LRMDA: variants seen among roughly 807,000 people sequenced by gnomAD.
LRMDA encodes leucine rich melanocyte differentiation associated, also known as leucine-rich melanocyte differentiation-associated protein.
Under a neutral mutation model 29.8 loss-of-function variants are expected in LRMDA, and 18 were observed. The observed-to-expected ratio is 0.60, with a 90% CI of 0.42 to 0.90. The LOEUF (loss-of-function observed/expected upper bound fraction) is 0.90, where lower values mean the gene tolerates loss of function less well. Ranked by LOEUF, LRMDA falls within the 40% of genes least tolerant of loss-of-function variation. The probability of loss-of-function intolerance (pLI) is 0.00; values close to 1 mark genes in which losing one functional copy is unlikely to be tolerated. For synonymous variants in LRMDA, 125 were observed against 109.4 expected (o/e 1.14, Z -0.89); for missense variants, 273 against 273.9 (o/e 1.00, Z 0.02).
intron 2 of LRMDA, among the ~76,000 whole-genome samples, chr10:75,712,840 A>T (rs535952900): frequency 6.7e-6 from 1 of 149,688 alleles, no homozygotes; most frequent in East Asian, 2.0e-4. Flanking sequence ...ACACTCATTT[A>T]ATTCAAACTG....
At chr10:75,570,532 A>C (rs543650990) in intron 2 of LRMDA, among the ~76,000 whole-genome samples, 1 of 152,326 alleles carries the variant, frequency 6.6e-6, no homozygotes, top group African/African-American at 2.4e-5. Flanking sequence ...GAACTATCAT[A>C]AAATTATTTC....
intron 2 of LRMDA, among the ~76,000 whole-genome samples, chr10:75,484,043 C>T (rs1844882564): frequency 6.6e-6 from 1 of 152,102 alleles, no homozygotes; most frequent in Non-Finnish European, 1.5e-5. Context: ...GCAACCTCTG[C>T]TTCATGGGCT....
intron 2 of LRMDA, among the ~76,000 whole-genome samples, chr10:76,014,818 C>G (rs558991534): frequency 6.6e-6 from 1 of 152,308 alleles, no homozygotes; most frequent in South Asian, 2.1e-4. Flanking sequence ...TGGCTCAGCC[C>G]TCTGGGGTGT....
In LRMDA at chr10:76,169,400, G is replaced by A. The variant is rs11001658; in HGVS notation, c.516+110617G>A. Among the ~76,000 whole-genome samples, 1,089 of 152,308 alleles carry A rather than the reference G, an allele frequency of 7.1e-3. 13 individuals are homozygous for A. Among genetic ancestry groups the A allele is most frequent in the African/African-American group, 0.024 (1,011 of 41,570 alleles). On this transcript the variant is annotated intron_variant, in intron 5 of 6. Transcript: ENST00000611255. Reference sequence around the variant, plus strand: ...AATATTCTTTCCCTCACAGATGGCAGTGCCTTTTCCTGCTGCCTCTCGTGT... The same window carrying A: ...AATATTCTTTCCCTCACAGATGGCAATGCCTTTTCCTGCTGCCTCTCGTGT...
chr10:76,216,246 C>A (rs1028026383), intron 5 of LRMDA, among the ~76,000 whole-genome samples: 2 of 152,178 alleles, frequency 1.3e-5, no homozygotes, highest in African/African-American at 4.8e-5. Flanking sequence ...GTCCCAGCTA[C>A]TTGGGAGGCT....
At chr10:75,671,263 C>T (rs1480491604) in intron 2 of LRMDA, among the ~76,000 whole-genome samples, 1 of 152,174 alleles carries the variant, frequency 6.6e-6, no homozygotes, top group Non-Finnish European at 1.5e-5. Flanking sequence ...AGCTTCACTA[C>T]TAGGGATATT....
At chr10:75,649,851 T>A (rs1205227139) in intron 2 of LRMDA, among the ~76,000 whole-genome samples, 1 of 152,206 alleles carries the variant, frequency 6.6e-6, no homozygotes, top group Non-Finnish European at 1.5e-5. Context: ...GTGGCTTTTA[T>A]TTGTATTTCC....
Position 76,192,089 on chromosome 10 carries a change from G to C in LRMDA, c.517-132312G>C, listed in dbSNP as rs182521637. 2.2e-3 allele frequency among the ~76,000 whole-genome samples: 337 copies of C among 152,278 alleles called. 2 individuals carry two copies. Among genetic ancestry groups the C allele is most frequent in the African/African-American group, 7.7e-3 (322 of 41,562 alleles). On this transcript the variant is annotated intron_variant, in intron 5 of 6. Coordinates refer to ENST00000611255, the MANE Select transcript of LRMDA (RefSeq NM_001305581.2). ...AAGTGTGAAAAACTTGTTGGCATTG[G>C]ATAGGGTGATATGCTTCCCAAGTCT...
intron 6 of LRMDA, among the ~76,000 whole-genome samples, chr10:76,418,520 T>C (rs1421231438): frequency 6.6e-6 from 1 of 152,052 alleles, no homozygotes; most frequent in African/African-American, 2.4e-5. Context: ...CTAAATTCAC[T>C]TATTTATTCT....
intron 2 of LRMDA, among the ~76,000 whole-genome samples, chr10:75,682,284 A>G (rs148129015): frequency 1.3e-5 from 2 of 152,316 alleles, no homozygotes; most frequent in East Asian, 1.9e-4. Flanking sequence ...GACCCTCAGT[A>G]TGTGCTGAAT....
intron 2 of LRMDA, among the ~76,000 whole-genome samples, chr10:75,921,013 A>G (rs535584170): frequency 1.3e-5 from 2 of 152,310 alleles, no homozygotes; most frequent in East Asian, 3.9e-4. Context: ...CTTTAAAACC[A>G]ATCAAATTAA....
intron 2 of LRMDA, among the ~76,000 whole-genome samples, chr10:75,952,070 C>T (rs1026727807): frequency 1.4e-4 from 21 of 152,168 alleles, no homozygotes; most frequent in African/African-American, 5.1e-4. Context: ...CCAGGAGTCA[C>T]CCCGGGGGAA....
At chr10:76,145,824 A>T (rs1850305718) in intron 5 of LRMDA, among the ~76,000 whole-genome samples, 1 of 151,448 alleles carries the variant, frequency 6.6e-6, no homozygotes, top group Non-Finnish European at 1.5e-5. Flanking sequence ...TCTTGTGGGC[A>T]TTTAGTGCTA....
At chr10:75,600,223 C>T (rs948370658) in intron 2 of LRMDA, among the ~76,000 whole-genome samples, 8 of 152,176 alleles carry the variant, frequency 5.3e-5, no homozygotes, top group African/African-American at 1.9e-4. Flanking sequence ...GCTCCTGCAT[C>T]TTCTTTCCAC....
At chr10:76,485,819 T>A (rs536266651) in intron 6 of LRMDA, among the ~76,000 whole-genome samples, 1 of 152,046 alleles carries the variant, frequency 6.6e-6, no homozygotes, top group South Asian at 2.1e-4. Context: ...GACATCTACT[T>A]TAATTCTTAT....
intron 6 of LRMDA, among the ~76,000 whole-genome samples, chr10:76,379,372 G>A (rs914779239): frequency 6.6e-6 from 1 of 152,092 alleles, no homozygotes; most frequent in East Asian, 1.9e-4. Context: ...TTTTGTGATT[G>A]TTAGGAGATT....
chr10:75,782,548 A>G (rs1843401420), intron 2 of LRMDA, among the ~76,000 whole-genome samples: 1 of 152,148 alleles, frequency 6.6e-6, no homozygotes, highest in Admixed American at 6.6e-5. Context: ...GTGAAGCGGA[A>G]AGGAGGCCGG....
chr10:76,134,327 C>T (rs1438425493), intron 5 of LRMDA, among the ~76,000 whole-genome samples: 1 of 152,196 alleles, frequency 6.6e-6, no homozygotes, highest in Non-Finnish European at 1.5e-5. Flanking sequence ...GCCATGTTCC[C>T]AAGGCCGGAA....
chr10:75,635,702 G>A (rs1841383166), intron 2 of LRMDA, among the ~76,000 whole-genome samples: 4 of 152,124 alleles, frequency 2.6e-5, no homozygotes, highest in South Asian at 2.1e-4. Flanking sequence ...CATTTAAAAG[G>A]ATGCCCACAC....
Sources: gnomAD v4.1 joint callset for allele counts (sites outside exome capture counted in the v4.1 genomes callset) on GRCh38, gnomAD v4.1.1 for gene constraint, MANE v1.5 for transcripts, NCBI Gene and HGNC (gene_info 2026-07-23, HGNC 2026-07-21) for gene names.